The following CNTNAP3 variants were observed in gnomAD, a reference collection of about 807,000 sequenced individuals.
The protein encoded by CNTNAP3 is contactin associated protein family member 3.
CNTNAP3 carries 36 observed loss-of-function variants against 92.1 expected under a neutral mutation model. The ratio of observed to expected loss-of-function variants is 0.39; its 90% CI spans 0.30 to 0.52. The LOEUF (loss-of-function observed/expected upper bound fraction) is 0.52. CNTNAP3 is among the 20% of genes least tolerant of loss of function. The pLI, the probability that CNTNAP3 is intolerant of heterozygous loss-of-function variation, is 0.76. For synonymous variants in CNTNAP3, 232 were observed against 422.3 expected (o/e 0.55, Z 5.53); for missense variants, 534 against 1,069.6 (o/e 0.50, Z 6.98).
intron 13 of CNTNAP3, among the ~76,000 whole-genome samples, chr9:39,119,293 C>T (rs1820944153): frequency 6.8e-6 from 1 of 147,962 alleles, no homozygotes; most frequent in South Asian, 2.2e-4. Flanking sequence ...AATTATAACT[C>T]ATCCATAGAT....
intron 15 of CNTNAP3, among the ~76,000 whole-genome samples, chr9:39,107,132 T>C (rs150437319): frequency 0.012 from 1,834 of 151,964 alleles, 39 homozygotes; most frequent in African/African-American, 0.041. Flanking sequence ...TGGACAGACC[T>C]GCCAGACAGA....
chr9:39,095,405 A>C (rs1826302598), intron 18 of CNTNAP3, among the ~76,000 whole-genome samples: 1 of 151,320 alleles, frequency 6.6e-6, no homozygotes, highest in Non-Finnish European at 1.5e-5. Context: ...CGTGTTTCTT[A>C]TTTTACGGAA....
At position 39,068,935 on chromosome 9, in the gene CNTNAP3, A is replaced by G. The variant is rs1192763002; in HGVS notation, c.*4955T>C. Among the ~76,000 whole-genome samples, 8 of 152,304 alleles carry G rather than the reference A, an allele frequency of 5.3e-5. No homozygotes were observed. Among genetic ancestry groups the G allele is most frequent in the Non-Finnish European group, 7.3e-5 (5 of 68,052 alleles). On this transcript the variant is annotated 3_prime_UTR_variant, in exon 24 of 24. Coordinates refer to ENST00000297668, the MANE Select transcript of CNTNAP3 (RefSeq NM_033655.5). ...TGAGGTTGTTTCATGCAGGAGGGTT[A>G]GAGGGTAAATATGCTCCCTATTACT...
At position 39,072,160 on chromosome 9, in the gene CNTNAP3, T is replaced by C. The variant is rs1487736829; in HGVS notation, c.*1730A>G. On this transcript the variant is annotated 3_prime_UTR_variant, in exon 24 of 24. Transcript: ENST00000297668. Reference sequence around the variant, plus strand: ...GCTGTCTGTACTCTCAATACAGATGTAGTATTCTGAGAAGAGATCATTTGT... The same window carrying C: ...GCTGTCTGTACTCTCAATACAGATGCAGTATTCTGAGAAGAGATCATTTGT... Among the ~76,000 whole-genome samples the C allele has an allele frequency of 2.6e-5, 3 of 114,110 alleles. No individual in the cohort carries two copies. The highest frequency in any genetic ancestry group is 8.4e-5 in the Admixed American group (1 of 11,914). The allele number at this position is 114,110 out of a possible 152,430, so 74.9% of individuals were successfully genotyped here.
At chr9:39,111,477 T>C (rs1322266423) in intron 14 of CNTNAP3, among the ~76,000 whole-genome samples, 1 of 152,202 alleles carries the variant, frequency 6.6e-6, no homozygotes, top group Non-Finnish European at 1.5e-5. Flanking sequence ...GTTAAGATTC[T>C]GTTATTCATT....
rs1410827150 is a variant in CNTNAP3, at chr9:39,065,787, T to C, written c.*8103A>G. Among the ~76,000 whole-genome samples the C allele has an allele frequency of 6.6e-6, 1 of 152,230 alleles. No homozygotes were observed. The highest frequency in any genetic ancestry group is 2.4e-5 in the African/African-American group (1 of 41,466). Reference sequence around the variant, plus strand: ...CACTTTTCGTCATTTTTTCTTATATTCATTATTTTCATTTTATTTTTGCTA... The same window carrying C: ...CACTTTTCGTCATTTTTTCTTATATCCATTATTTTCATTTTATTTTTGCTA... On this transcript the variant is annotated 3_prime_UTR_variant, in exon 24 of 24. Transcript: ENST00000297668.
intron 11 of CNTNAP3, among the ~76,000 whole-genome samples, chr9:39,143,141 G>T (rs929380139): frequency 6.7e-6 from 1 of 148,840 alleles, no homozygotes; most frequent in African/African-American, 2.5e-5. Context: ...CAGGTTAGAG[G>T]TCAATAAAAT....
At position 39,069,504 on chromosome 9, in the gene CNTNAP3, A is replaced by T. The variant is rs1384604474; in HGVS notation, c.*4386T>A. ...TTTTATTCACAGAGCAAATGCAACC[A>T]TGTGAACCTCACATTTTAAAATATA... On this transcript the variant is annotated 3_prime_UTR_variant, in exon 24 of 24. Transcript: ENST00000297668. 1.3e-5 allele frequency among the ~76,000 whole-genome samples: 2 copies of T among 152,308 alleles called. No individual in the cohort carries two copies. The highest frequency in any genetic ancestry group is 2.1e-4 in the South Asian group (1 of 4,836).
intron 23 of CNTNAP3, among the ~76,000 whole-genome samples, chr9:39,076,770 C>G (rs1263989554): frequency 1.3e-5 from 2 of 152,292 alleles, no homozygotes; most frequent in African/African-American, 4.8e-5. Context: ...AGATCGAGAC[C>G]ATTCTGGCTA....
At chr9:39,095,762 T>C (rs574839713) in intron 18 of CNTNAP3, among the ~76,000 whole-genome samples, 9 of 144,382 alleles carry the variant, frequency 6.2e-5, no homozygotes, top group Non-Finnish European at 9.2e-5. Context: ...TTGCATTATA[T>C]ATATCTTATC....
chr9:39,161,960 A>C (rs1031363679), intron 9 of CNTNAP3, among the ~76,000 whole-genome samples: 2 of 123,600 alleles, frequency 1.6e-5, no homozygotes, highest in African/African-American at 4.4e-5. Context: ...TGACAACGAC[A>C]CCGAAAACAT....
intron 18 of CNTNAP3, among the ~76,000 whole-genome samples, chr9:39,095,563 T>C (rs533757968): frequency 4.1e-5 from 6 of 145,704 alleles, no homozygotes; most frequent in South Asian, 2.2e-4. Flanking sequence ...TGTTTTTTTT[T>C]CAGCAACAAT....
chr9:39,136,163 T>G (rs953440118), intron 12 of CNTNAP3, among the ~76,000 whole-genome samples: 2 of 141,422 alleles, frequency 1.4e-5, no homozygotes, highest in Non-Finnish European at 3.1e-5. Context: ...ATAATAATAA[T>G]AAAAATAATA....
intron 12 of CNTNAP3, among the ~76,000 whole-genome samples, chr9:39,135,328 AG>A (rs1419561162): frequency 6.6e-6 from 1 of 151,832 alleles, no homozygotes; most frequent in African/African-American, 2.4e-5. Context: ...CTTGGAGTGC[AG>A]TGGCACCTTC....
intron 13 of CNTNAP3, among the ~76,000 whole-genome samples, chr9:39,125,389 A>G (rs1449981084): frequency 6.6e-6 from 1 of 152,160 alleles, no homozygotes; most frequent in Non-Finnish European, 1.5e-5. Flanking sequence ...GAATAGCATT[A>G]GGAGATATAG....
At position 39,179,286 on chromosome 9, in the gene CNTNAP3, T is replaced by TCTACAC. The variant is rs1491209886; in HGVS notation, c.539-927_539-926insGTGTAG. On this transcript the variant is annotated intron_variant, in intron 4 of 23. Coordinates refer to ENST00000297668, the MANE Select transcript of CNTNAP3 (RefSeq NM_033655.5). ...AATTCCTTAAAACTCTCTCTCTCTC[T>TCTACAC]ACACACACACACACACACACACACA... 1.1e-4 allele frequency among the ~76,000 whole-genome samples: 9 copies of TCTACAC among 80,756 alleles called. 1 individual carries two copies. Among genetic ancestry groups the TCTACAC allele is most frequent in the African/African-American group, 5.1e-4 (9 of 17,614 alleles). The allele number at this position is 80,756 out of a possible 152,430, so 53.0% of individuals were successfully genotyped here.
At chr9:39,081,753 A>G (rs1287648296) in intron 21 of CNTNAP3, among the ~76,000 whole-genome samples, 4 of 151,940 alleles carry the variant, frequency 2.6e-5, no homozygotes, top group Non-Finnish European at 5.9e-5. Context: ...ACACTGTGCA[A>G]TACGGTAGAC....
chr9:39,076,519 T>C (rs1825768451), intron 23 of CNTNAP3, among the ~76,000 whole-genome samples: 2 of 152,308 alleles, frequency 1.3e-5, no homozygotes, highest in Non-Finnish European at 2.9e-5. Flanking sequence ...AGAAAAAGAA[T>C]TGAGATAGTG....
chr9:39,272,736 T>G lies in CNTNAP3; in HGVS notation c.86-5730A>C, dbSNP rs1822936078. 6.6e-5 allele frequency among the ~76,000 whole-genome samples: 2 copies of G among 30,384 alleles called. 1 individual carries two copies. The highest frequency in any genetic ancestry group is 1.3e-4 in the African/African-American group (2 of 15,780). The allele number at this position is 30,384 out of a possible 152,430, so 19.9% of individuals were successfully genotyped here. The stretch of plus-strand genomic sequence containing the variant: ...TGCTAATAAAGGGCAATAAATGATC[T>G]TTCCACGGGTACAAAAAAATAGAAA... On this transcript the variant is annotated intron_variant, in intron 1 of 23. Transcript: ENST00000297668.
Sources: gnomAD v4.1 joint callset for allele counts (sites outside exome capture counted in the v4.1 genomes callset) on GRCh38, gnomAD v4.1.1 for gene constraint, MANE v1.5 for transcripts, NCBI Gene and HGNC (gene_info 2026-07-23, HGNC 2026-07-21) for gene names.